Variants in RP1 observed in about 807,000 individuals in gnomAD.
The protein encoded by RP1 is RP1 axonemal microtubule associated, also known as oxygen-regulated protein 1.
RP1 carries 16 observed loss-of-function variants against 14.8 expected under a neutral mutation model. The observed-to-expected ratio is 1.08, with a 90% CI of 0.73 to 1.65. RP1 has a LOEUF of 1.65. Ranked by LOEUF, RP1 falls within the 40% of genes most tolerant of loss-of-function variation. The probability of loss-of-function intolerance (pLI) is 0.00; values close to 1 mark genes in which losing one functional copy is unlikely to be tolerated. For synonymous variants in RP1, 876 were observed against 883.6 expected (o/e 0.99, Z 0.15); for missense variants, 2,631 against 2,535.0 (o/e 1.04, Z -0.81).
At chr8:54,565,876 C>T (rs1804393759) in intron 1 of RP1, among the ~76,000 whole-genome samples, 1 of 152,156 alleles carries the variant, frequency 6.6e-6, no homozygotes, top group Non-Finnish European at 1.5e-5. Context: ...AAGGTGTCAG[C>T]AGGGTTGGCT....
At chr8:54,829,158 A>G (rs1811460766) in intron 24 of RP1, among the ~76,000 whole-genome samples, 1 of 151,940 alleles carries the variant, frequency 6.6e-6, no homozygotes, top group Non-Finnish European at 1.5e-5. Flanking sequence ...CACTGCATAT[A>G]TGCAGTCCAT....
chr8:54,649,743 TTGGTTTGAACCAGG>T (rs1806619099), intron 4 of RP1, among the ~76,000 whole-genome samples: 1 of 152,196 alleles, frequency 6.6e-6, no homozygotes, highest in East Asian at 1.9e-4. Context: ...CACAGAAGGA[TTGGTTTGAACCAGG>T]TGGAGACAGA....
intron 27 of RP1, among the ~76,000 whole-genome samples, chr8:54,862,414 C>G (rs1197773977): frequency 6.6e-6 from 1 of 152,142 alleles, no homozygotes; most frequent in Non-Finnish European, 1.5e-5. Flanking sequence ...TTTCTAGGAA[C>G]AGTGAGCATT....
intron 28 of RP1, chr8:54,865,950 G>A: frequency 1.0e-6 from 1 of 985,220 alleles, no homozygotes; most frequent in Non-Finnish European, 1.3e-6. Context: ...GCAAAATTAT[G>A]CTCTCTTTGT....
chr8:54,755,092 G>T (rs925596699), intron 20 of RP1, among the ~76,000 whole-genome samples: 8 of 152,176 alleles, frequency 5.3e-5, no homozygotes, highest in African/African-American at 1.9e-4. Context: ...CACAGCATGA[G>T]TTGCTGGTGG....
chr8:54,589,765 A>G (rs147740209), intron 1 of RP1, among the ~76,000 whole-genome samples: 1 of 152,268 alleles, frequency 6.6e-6, no homozygotes, highest in African/African-American at 2.4e-5. Context: ...TCTTTTCTCA[A>G]TTCTGGAATT....
rs183941468 is a variant in RP1, at chr8:54,754,903, C to T, written c.2909C>T (p.Pro970Leu). 1.8e-4 allele frequency: 273 copies of T among 1,527,022 alleles called. 1 individual carries two copies. The African/African-American group carries it at 3.1e-3, about 18-fold the overall frequency. The allele number at this position is 1,527,022 out of a possible 1,614,324, so 94.6% of individuals were successfully genotyped here. A position where few individuals can be genotyped will look rare whatever the true frequency, so the allele number is the denominator to read the frequency against. ...GATGGGGATGTTGTCTGTGAGCTTC[C>T]TGTAGTAAAAGGAGGACAAGCTATT... Residue 970 changes from proline to leucine, a missense_variant, in exon 20 of 23, where the codon CCT becomes CTT. By Grantham distance (98) the Pro-to-Leu change is moderately conservative (BLOSUM62 -3). Coordinates refer to the RP1 transcript ENST00000636932.
At chr8:54,620,900 A>G (rs1805840352) in intron 1 of RP1, 55 bp from the exon 2 acceptor site, 2 of 1,505,894 alleles carry the variant, frequency 1.3e-6, no homozygotes, top group Non-Finnish European at 1.8e-6. Flanking sequence ...CATTAGTATT[A>G]CCATGTATTC....
At chr8:54,804,721 A>G (rs1465146412) in intron 24 of RP1, among the ~76,000 whole-genome samples, 1 of 152,276 alleles carries the variant, frequency 6.6e-6, no homozygotes, top group Non-Finnish European at 1.5e-5. Context: ...TAAATAACAC[A>G]GCACTCATGT....
chr8:54,866,011 C>A, intron 28 of RP1: 1 of 465,518 alleles, frequency 2.1e-6, no homozygotes, highest in Non-Finnish European at 3.5e-6. Flanking sequence ...AGCTGTTGGA[C>A]AACATCATTC....
At chr8:54,674,896 C>T (rs1435139065) in intron 8 of RP1, among the ~76,000 whole-genome samples, 5 of 152,104 alleles carry the variant, frequency 3.3e-5, no homozygotes, top group Non-Finnish European at 7.4e-5. Flanking sequence ...GCTAATTTTA[C>T]AGAGTCTAGG....
chr8:54,688,924 T>A (rs897400296), intron 12 of RP1, among the ~76,000 whole-genome samples: 10 of 152,196 alleles, frequency 6.6e-5, no homozygotes, highest in African/African-American at 2.2e-4. Flanking sequence ...TTTCACGATA[T>A]TGATTCTTCC....
chr8:54,670,626 C>CATA (rs1807149901), intron 7 of RP1, among the ~76,000 whole-genome samples: 1 of 112,794 alleles, frequency 8.9e-6, no homozygotes, highest in Non-Finnish European at 1.8e-5. Flanking sequence ...TATATGTATA[C>CATA]TCTGATGTTA....
chr8:54,719,799 C>A (rs1808492036), intron 15 of RP1, among the ~76,000 whole-genome samples: 1 of 152,166 alleles, frequency 6.6e-6, no homozygotes, highest in Non-Finnish European at 1.5e-5. Flanking sequence ...AAGAAAAGTT[C>A]CACATTTTAA....
intron 27 of RP1, chr8:54,857,138 T>C: frequency 3.9e-6 from 4 of 1,025,046 alleles, no homozygotes; most frequent in Non-Finnish European, 5.0e-6. Flanking sequence ...AGAAGTTTAT[T>C]TTGCAAATTT....
chr8:54,628,782 A>T lies in RP1; in HGVS notation c.4900A>T (p.Lys1634Ter), dbSNP rs1292595528. 1 of 1,614,130 alleles carries T rather than the reference A, an allele frequency of 6.2e-7. No homozygotes were observed. Among genetic ancestry groups the T allele is most frequent in the East Asian group, 2.2e-5 (1 of 44,886 alleles). Residue 1634 changes from lysine (K) to a stop codon, truncating the protein, a stop_gained, in exon 4 of 4, where the codon AAA becomes TAA. Coordinates refer to ENST00000220676, the MANE Select transcript of RP1 (RefSeq NM_006269.2). LOFTEE classifies it low-confidence loss of function (END_TRUNC). The stretch of plus-strand genomic sequence containing the variant: ...AGGATTTGTTAAAAGGGCAATAGAA[A>T]AACTGTACGGTAAAGCAGATATTAT... ...NIGFVKRAIE[K>*]LYGKADIIKP...
At position 54,679,985 on chromosome 8, in the gene RP1, G is replaced by A. The variant is rs1039477444; in HGVS notation, c.1717+52G>A. ...TGCTGGACAGGTCTGGGAGTTAAAGGAAGGTAGATTTCTAGACACAGTTTA... is the reference window on the plus strand; with the variant it reads ...TGCTGGACAGGTCTGGGAGTTAAAGAAAGGTAGATTTCTAGACACAGTTTA... On this transcript the variant is annotated intron_variant, in intron 12 of 22. Coordinates refer to the RP1 transcript ENST00000636932. 33 of 1,502,992 alleles carry A rather than the reference G, an allele frequency of 2.2e-5. 1 individual carries two copies. The South Asian group carries it at 3.3e-4, about 15-fold the overall frequency. 93.1% of individuals were successfully genotyped at this position (1,502,992 alleles called of 1,614,324 possible).
At chr8:54,857,167 A>T (rs1812224050) in intron 27 of RP1, 1 of 595,784 alleles carries the variant, frequency 1.7e-6, no homozygotes, top group Non-Finnish European at 2.4e-6. Context: ...TCGTATAAGA[A>T]GCAGGTGAAA....
In RP1 at chr8:54,629,461, CAGAA is replaced by C; in HGVS notation, c.5583_5586del (p.Arg1862TyrfsTer34). 6.2e-7 allele frequency: 1 copy of C among 1,614,108 alleles called. No individual in the cohort carries two copies. Among genetic ancestry groups the C allele is most frequent in the Non-Finnish European group, 8.5e-7 (1 of 1,179,992 alleles). Reference sequence around the variant, plus strand: ...ACAGAGGAGAAGGGTAGTCATCAGTCAGAAAGAGTATGCACATCTGTCACTCATT... The same window carrying C: ...ACAGAGGAGAAGGGTAGTCATCAGTCAGAGTATGCACATCTGTCACTCATT... On this transcript the variant is annotated frameshift_variant, in exon 4 of 4. Transcript: ENST00000220676. LOFTEE classifies it low-confidence loss of function (END_TRUNC).
Sources: allele counts gnomAD v4.1 joint callset (sites outside exome capture counted in the v4.1 genomes callset), GRCh38; gene constraint gnomAD v4.1.1; transcripts MANE v1.5; gene names NCBI Gene and HGNC (gene_info 2026-07-23, HGNC 2026-07-21).